UBR3: variants seen among roughly 807,000 people sequenced by gnomAD.
The protein encoded by UBR3 is E3 ubiquitin-protein ligase UBR3.
A neutral mutation model predicts 243.2 loss-of-function variants in UBR3; 85 were observed. That is an observed-to-expected ratio of 0.35 (90% CI 0.29 to 0.42). UBR3 has a LOEUF of 0.42. Ranked by LOEUF, UBR3 falls within the 10% of genes least tolerant of loss-of-function variation. UBR3 has a pLI of 1.00. For missense variants in UBR3, 1,686 were observed against 2,300.8 expected, an observed-to-expected ratio of 0.73 and a Z score of 5.47; for synonymous variants, 748 against 799.8, an observed-to-expected ratio of 0.94 and a Z score of 1.09.
intron 36 of UBR3, chr2:170,077,556 C>G: frequency 4.6e-6 from 3 of 652,172 alleles, no homozygotes; most frequent in Non-Finnish European, 5.3e-6. Context: ...CTTTAGTAAC[C>G]ATCCTCCTCT....
intron 24 of UBR3, among the ~76,000 whole-genome samples, chr2:169,965,429 A>G (rs1475459754): frequency 2.6e-5 from 4 of 152,172 alleles, no homozygotes; most frequent in African/African-American, 9.7e-5. Context: ...GATGGCTGAA[A>G]CTAACCATGG....
Position 170,008,784 on chromosome 2 carries a change from A to T in UBR3, c.4231-20A>T, listed in dbSNP as rs1251220362. On this transcript the variant is annotated intron_variant, in intron 28 of 38. Transcript: ENST00000272793. Reference sequence around the variant, plus strand: ...GAAAGTGAATATAAACTTTATATGTATGTTTGCATTTTTTTATAGTCAGAA... The same window carrying T: ...GAAAGTGAATATAAACTTTATATGTTTGTTTGCATTTTTTTATAGTCAGAA... 1.8e-6 allele frequency: 2 copies of T among 1,126,716 alleles called. No homozygotes were observed. The highest frequency in any genetic ancestry group is 3.2e-5 in the African/African-American group (2 of 62,638). The allele number at this position is 1,126,716 out of a possible 1,614,324, so 69.8% of individuals were successfully genotyped here.
At chr2:169,845,490 T>C (rs1366418200) in intron 1 of UBR3, among the ~76,000 whole-genome samples, 1 of 45,690 alleles carries the variant, frequency 2.2e-5, no homozygotes, top group East Asian at 4.5e-4. Flanking sequence ...TTCCTTTCCC[T>C]CTTCGTCGTC....
intron 35 of UBR3, among the ~76,000 whole-genome samples, chr2:170,065,282 A>G (rs2091537574): frequency 6.6e-6 from 1 of 151,622 alleles, no homozygotes; most frequent in Non-Finnish European, 1.5e-5. Context: ...AGGTGTTTTA[A>G]TACTTTTTTT....
Position 170,065,269 on chromosome 2 carries a change from G to A in UBR3, c.5019+3826G>A, listed in dbSNP as rs16823136. Reference sequence around the variant, plus strand: ...TGAACGTGGTTTATACATTCATTTAGTCAGGTGTTTTAATACTTTTTTTGG... The same window carrying A: ...TGAACGTGGTTTATACATTCATTTAATCAGGTGTTTTAATACTTTTTTTGG... On this transcript the variant is annotated intron_variant, in intron 35 of 38. Coordinates refer to ENST00000272793, the MANE Select transcript of UBR3 (RefSeq NM_172070.4). Among the ~76,000 whole-genome samples, 850 of 151,996 alleles carry A rather than the reference G, an allele frequency of 5.6e-3. 8 individuals carry two copies. The highest frequency in any genetic ancestry group is 0.019 in the African/African-American group (800 of 41,456).
At chr2:170,005,036 A>G (rs1378392205) in intron 27 of UBR3, among the ~76,000 whole-genome samples, 1 of 152,114 alleles carries the variant, frequency 6.6e-6, no homozygotes, top group Admixed American at 6.5e-5. Flanking sequence ...ATCCTGGCTA[A>G]CACAGTGAAA....
intron 29 of UBR3, among the ~76,000 whole-genome samples, chr2:170,010,777 A>C (rs975905205): frequency 6.6e-6 from 1 of 152,208 alleles, no homozygotes; most frequent in African/African-American, 2.4e-5. Context: ...TAACACTTTA[A>C]AACTTTATTA....
intron 9 of UBR3, 139 bp from the exon 10 acceptor site, chr2:169,905,892 T>C: frequency 1.1e-6 from 1 of 871,222 alleles, no homozygotes. Context: ...TTTTAGTAAT[T>C]TACTTATTTC....
chr2:170,000,867 T>A (rs749557211), intron 26 of UBR3, among the ~76,000 whole-genome samples: 4 of 152,090 alleles, frequency 2.6e-5, no homozygotes, highest in Non-Finnish European at 5.9e-5. Context: ...GAAAAACAGT[T>A]AAAGAGGCAG....
At chr2:169,842,983 A>G (rs1337553070) in intron 1 of UBR3, among the ~76,000 whole-genome samples, 5 of 152,128 alleles carry the variant, frequency 3.3e-5, no homozygotes, top group Non-Finnish European at 5.9e-5. Flanking sequence ...TGCTATCCAT[A>G]TTTCTACCAA....
At chr2:170,016,374 T>C (rs2090235921) in intron 30 of UBR3, among the ~76,000 whole-genome samples, 1 of 151,880 alleles carries the variant, frequency 6.6e-6, no homozygotes, top group African/African-American at 2.4e-5. Flanking sequence ...CTTAAAATTT[T>C]GGAGGTTATT....
At chr2:169,997,098 T>G (rs1176376585) in intron 26 of UBR3, among the ~76,000 whole-genome samples, 1 of 123,408 alleles carries the variant, frequency 8.1e-6, no homozygotes, top group African/African-American at 3.0e-5. Flanking sequence ...CAATGCTAAG[T>G]TCTGCTTTTG....
intron 19 of UBR3, among the ~76,000 whole-genome samples, chr2:169,941,767 T>A (rs2086599923): frequency 6.6e-6 from 1 of 152,214 alleles, no homozygotes; most frequent in Non-Finnish European, 1.5e-5. Context: ...TTGGAACGTG[T>A]TCCCTGAAGA....
chr2:170,024,886 G>A (rs1045471439), intron 30 of UBR3, among the ~76,000 whole-genome samples: 4 of 152,092 alleles, frequency 2.6e-5, no homozygotes, highest in Non-Finnish European at 2.9e-5. Flanking sequence ...GTGAGTTGTC[G>A]CATGGGAACC....
Position 169,887,864 on chromosome 2 carries a change from C to A in UBR3, c.1039-3301C>A, listed in dbSNP as rs182193329. Among the ~76,000 whole-genome samples, 676 of 151,590 alleles carry A rather than the reference C, an allele frequency of 4.5e-3. 6 individuals carry two copies. The highest frequency in any genetic ancestry group is 0.015 in the African/African-American group (631 of 41,470). ...CGATCTTGGCTCACTGCAACCTCCC[C>A]CTCCCGGGTTCAACCTATTCTCCTG... On this transcript the variant is annotated intron_variant, in intron 5 of 38. Coordinates refer to ENST00000272793, the MANE Select transcript of UBR3 (RefSeq NM_172070.4).
At chr2:170,073,158 A>T (rs539656391) in intron 35 of UBR3, among the ~76,000 whole-genome samples, 2 of 152,300 alleles carry the variant, frequency 1.3e-5, no homozygotes, top group East Asian at 1.9e-4. Flanking sequence ...CATTAGATAT[A>T]TAACAACTCT....
chr2:170,046,948 T>C (rs748392565), intron 32 of UBR3, among the ~76,000 whole-genome samples: 5 of 152,212 alleles, frequency 3.3e-5, no homozygotes, highest in South Asian at 2.1e-4. Flanking sequence ...TTGTATCCTA[T>C]TGATGTAACC....
At chr2:169,861,476 C>T (rs2083087563) in intron 1 of UBR3, among the ~76,000 whole-genome samples, 1 of 151,766 alleles carries the variant, frequency 6.6e-6, no homozygotes, top group African/African-American at 2.4e-5. Context: ...GGTGTAGTGG[C>T]GGCGCCTGTA....
At chr2:169,841,457 CA>C (rs1263854286) in intron 1 of UBR3, among the ~76,000 whole-genome samples, 2 of 152,246 alleles carry the variant, frequency 1.3e-5, no homozygotes, top group Non-Finnish European at 2.9e-5. Context: ...TTAGCCCCCC[CA>C]CTGCACTGTG....
Sources: allele counts gnomAD v4.1 joint callset (sites outside exome capture counted in the v4.1 genomes callset), GRCh38; gene constraint gnomAD v4.1.1; transcripts MANE v1.5; gene names NCBI Gene and HGNC (gene_info 2026-07-23, HGNC 2026-07-21).